The following COG5 variants were observed in gnomAD, a reference collection of about 807,000 sequenced individuals.
COG5 encodes component of oligomeric golgi complex 5, also known as conserved oligomeric Golgi complex subunit 5.
COG5 carries 86 observed loss-of-function variants against 110.4 expected under a neutral mutation model. That is an observed-to-expected ratio of 0.78 (90% confidence interval 0.65 to 0.93). The LOEUF is 0.93. Among genes scored for constraint, COG5 ranks in the 40% least tolerant of loss-of-function variants. The pLI, the probability that COG5 is intolerant of heterozygous loss-of-function variation, is 0.00. For synonymous variants in COG5, 360 were observed against 334.6 expected, an observed-to-expected ratio of 1.08 and a Z score of -0.83; for missense variants, 1,077 against 987.0, an observed-to-expected ratio of 1.09 and a Z score of -1.22.
At chr7:107,271,769 CTATT>C (rs1172446961) in intron 14 of COG5, among the ~76,000 whole-genome samples, 1 of 151,822 alleles carries the variant, frequency 6.6e-6, no homozygotes, top group Non-Finnish European at 1.5e-5. Context: ...TTCCTTCTTA[CTATT>C]TATTATGGGT....
chr7:107,514,741 A>G (rs1232705301), intron 6 of COG5, among the ~76,000 whole-genome samples: 1 of 152,230 alleles, frequency 6.6e-6, no homozygotes, highest in East Asian at 1.9e-4. Context: ...TGTCTGGAAT[A>G]GCACATAGCA....
At chr7:107,458,783 C>T (rs141091945) in intron 6 of COG5, among the ~76,000 whole-genome samples, 80 of 152,050 alleles carry the variant, frequency 5.3e-4, no homozygotes, top group Middle Eastern at 3.4e-3. Flanking sequence ...CACTTGAGCC[C>T]GAGAAGTCAA....
intron 6 of COG5, chr7:107,450,055 T>C (rs759757444): frequency 1.3e-5 from 2 of 152,240 alleles, no homozygotes; most frequent in Non-Finnish European, 2.9e-5. Flanking sequence ...GATAGTCCTC[T>C]CTGGGCTTGT....
At chr7:107,506,997 A>T (rs1426057570) in intron 6 of COG5, among the ~76,000 whole-genome samples, 2 of 152,232 alleles carry the variant, frequency 1.3e-5, no homozygotes, top group East Asian at 3.8e-4. Context: ...CTGGGAAAGC[A>T]CGCAAGGCTG....
chr7:107,466,876 T>C (rs187964412), intron 6 of COG5, among the ~76,000 whole-genome samples: 3 of 152,234 alleles, frequency 2.0e-5, no homozygotes, highest in African/African-American at 7.2e-5. Flanking sequence ...CTTAAAATTG[T>C]TTCAAAGTAC....
Position 107,223,879 on chromosome 7 carries a change from G to A in COG5, c.2168+6736C>T, listed in dbSNP as rs998095706. On this transcript the variant is annotated intron_variant, in intron 19 of 21. Coordinates refer to ENST00000297135, the MANE Select transcript of COG5 (RefSeq NM_006348.5). ...CTTTTAAGTGCTGTGAGGGCTAAATGAGGAAGTATCAGTAAAACACTCAGC... is the reference window on the plus strand; with the variant it reads ...CTTTTAAGTGCTGTGAGGGCTAAATAAGGAAGTATCAGTAAAACACTCAGC... Among the ~76,000 whole-genome samples, 38 of 152,302 alleles carry A rather than the reference G, an allele frequency of 2.5e-4. 1 individual carries two copies. Among genetic ancestry groups the A allele is most frequent in the African/African-American group, 7.9e-4 (33 of 41,572 alleles).
intron 6 of COG5, among the ~76,000 whole-genome samples, chr7:107,510,497 A>G (rs1490459155): frequency 3.9e-5 from 6 of 152,210 alleles, no homozygotes; most frequent in Non-Finnish European, 7.3e-5. Flanking sequence ...AACGAGACAG[A>G]AAGTTAAAAA....
At chr7:107,215,344 A>G (rs767077299) in intron 19 of COG5, among the ~76,000 whole-genome samples, 2 of 152,192 alleles carry the variant, frequency 1.3e-5, no homozygotes, top group Non-Finnish European at 2.9e-5. Context: ...CTCCATTTGT[A>G]AAAGAAAAAA....
chr7:107,544,675 C>G (rs116724798), intron 5 of COG5, among the ~76,000 whole-genome samples: 7 of 152,280 alleles, frequency 4.6e-5, no homozygotes, highest in African/African-American at 1.4e-4. Flanking sequence ...CCAGCCAAAG[C>G]CAGTCTGCAA....
chr7:107,505,907 G>A (rs1337854561), intron 6 of COG5, among the ~76,000 whole-genome samples: 5 of 152,192 alleles, frequency 3.3e-5, no homozygotes, highest in Non-Finnish European at 4.4e-5. Context: ...TGGAATGCCT[G>A]CAAGGAATCC....
At chr7:107,205,255 C>G (rs1798677631) in intron 21 of COG5, among the ~76,000 whole-genome samples, 1 of 152,174 alleles carries the variant, frequency 6.6e-6, no homozygotes, top group Non-Finnish European at 1.5e-5. Flanking sequence ...TTAGCAGGAT[C>G]CAGCATTGTG....
At chr7:107,443,922 A>G (rs535461556) in intron 6 of COG5, among the ~76,000 whole-genome samples, 1 of 152,316 alleles carries the variant, frequency 6.6e-6, no homozygotes, top group Admixed American at 6.5e-5. Flanking sequence ...CAGGGAAAGC[A>G]CTGGACTGAT....
intron 6 of COG5, among the ~76,000 whole-genome samples, chr7:107,493,540 C>T (rs1798094037): frequency 6.6e-6 from 1 of 152,064 alleles, no homozygotes; most frequent in Admixed American, 6.6e-5. Flanking sequence ...CATTGTAAAA[C>T]AGAACTTATT....
intron 10 of COG5, among the ~76,000 whole-genome samples, chr7:107,349,562 G>C (rs1328864552): frequency 2.7e-5 from 4 of 147,818 alleles, no homozygotes; most frequent in Non-Finnish European, 6.0e-5. Flanking sequence ...CATCATGCTT[G>C]GCTTTTTTTT....
At chr7:107,506,814 GC>G (rs977585917) in intron 6 of COG5, among the ~76,000 whole-genome samples, 7 of 152,212 alleles carry the variant, frequency 4.6e-5, no homozygotes, top group Admixed American at 2.0e-4. Flanking sequence ...CAGGACACTT[GC>G]CACTCACCCT....
chr7:107,488,799 A>AT, intron 6 of COG5, among the ~76,000 whole-genome samples: 1 of 152,184 alleles, frequency 6.6e-6, no homozygotes, highest in South Asian at 2.1e-4. Flanking sequence ...GTGAGCCAAG[A>AT]TTGCACCACT....
chr7:107,470,631 T>C (rs976413036), intron 6 of COG5, among the ~76,000 whole-genome samples: 5 of 152,132 alleles, frequency 3.3e-5, no homozygotes, highest in Non-Finnish European at 7.4e-5. Context: ...TTAGGATGCA[T>C]TGTTAAATAC....
At chr7:107,407,872 G>A (rs1791974712) in intron 7 of COG5, among the ~76,000 whole-genome samples, 3 of 152,008 alleles carry the variant, frequency 2.0e-5, no homozygotes, top group Admixed American at 1.3e-4. Context: ...TGTCATTTGG[G>A]GATGTAGCAA....
chr7:107,283,777 G>A (rs1805388073), intron 12 of COG5, 45 bp from the exon 13 acceptor site: 1 of 1,398,854 alleles, frequency 7.1e-7, no homozygotes, highest in East Asian at 2.3e-5. Context: ...ATTGCACAGA[G>A]CTAAATGCTA....
Sources: allele counts gnomAD v4.1 joint callset (sites outside exome capture counted in the v4.1 genomes callset), GRCh38; gene constraint gnomAD v4.1.1; transcripts MANE v1.5; gene names NCBI Gene and HGNC (gene_info 2026-07-23, HGNC 2026-07-21).